The following CELSR1 variants were observed in gnomAD, a reference collection of about 807,000 sequenced individuals.
CELSR1 encodes the protein adhesion G protein-coupled receptor C1.
A neutral mutation model predicts 249.1 loss-of-function variants in CELSR1; 110 were observed. The observed-to-expected ratio is 0.44, with a 90% CI of 0.38 to 0.52. CELSR1 has a LOEUF of 0.52. Ranked by LOEUF, CELSR1 falls within the 20% of genes least tolerant of loss-of-function variation. The pLI is 0.00. For missense variants in CELSR1, 4,109 were observed against 4,296.4 expected, an observed-to-expected ratio of 0.96 and a Z score of 1.22; for synonymous variants, 2,113 against 1,900.0, an observed-to-expected ratio of 1.11 and a Z score of -2.92.
rs762757481 is a variant in CELSR1, at chr22:46,384,607, G to A, written c.6819C>T (p.Phe2273=). 7 of 1,613,666 alleles carry A rather than the reference G, an allele frequency of 4.3e-6. No homozygotes were observed. In the East Asian group the frequency reaches 1.6e-4, roughly 36 times the overall value. ...AGACGGAGGACTCCAGCTCCCTGGG[G>A]AACTCTTCATGGATGGTGTCGAATC... The part of the protein sequence containing the change: ...VPRFDTIHEE[F]PRELESSVSF... Residue 2273 remains phenylalanine, a synonymous_variant, in exon 20 of 35, where the codon TTC becomes TTT. Coordinates refer to ENST00000674500, the MANE Select transcript of CELSR1 (RefSeq NM_001378328.1).
chr22:46,482,933 AAACAGGTCCACACGCACACAC>A (rs890700722), intron 1 of CELSR1, among the ~76,000 whole-genome samples: 2 of 152,176 alleles, frequency 1.3e-5, no homozygotes, highest in Non-Finnish European at 2.9e-5. Flanking sequence ...TGGAGCCCAG[AAACAGGTCCACACGCACACAC>A]AACAGAGCTG....
intron 1 of CELSR1, among the ~76,000 whole-genome samples, chr22:46,480,317 G>A (rs1192336273): frequency 6.6e-6 from 1 of 152,152 alleles, no homozygotes; most frequent in African/African-American, 2.4e-5. Flanking sequence ...AGAGGTCCAT[G>A]TCTCAAGATG....
chr22:46,483,322 G>T (rs1373158819), intron 1 of CELSR1, among the ~76,000 whole-genome samples: 4 of 151,634 alleles, frequency 2.6e-5, no homozygotes, highest in Admixed American at 6.6e-5. Flanking sequence ...CGCCTCACTG[G>T]GTGTCTAGGG....
chr22:46,510,037 G>A (rs2080557493), intron 1 of CELSR1, among the ~76,000 whole-genome samples: 3 of 152,222 alleles, frequency 2.0e-5, no homozygotes, highest in Admixed American at 2.0e-4. Flanking sequence ...CCCTTTCCAG[G>A]GCAGGAGGCA....
In CELSR1 at chr22:46,460,405, G is replaced by A. The variant is rs529947394; in HGVS notation, c.4183+3302C>T. On this transcript the variant is annotated intron_variant, in intron 2 of 34. Coordinates refer to ENST00000674500, the MANE Select transcript of CELSR1 (RefSeq NM_001378328.1). ...TTCTCAGAGCAGGTGTACAGCTGCG[G>A]AAGCAGATTTTGAGGGAGGCCCATG... Among the ~76,000 whole-genome samples, 4 of 152,330 alleles carry A rather than the reference G, an allele frequency of 2.6e-5. No individual in the cohort carries two copies. The South Asian group carries it at 6.2e-4, about 24-fold the overall frequency.
At position 46,505,218 on chromosome 22, in the gene CELSR1, C is replaced by A. The variant is rs1265441791; in HGVS notation, c.3544+28409G>T. 2.9e-5 allele frequency among the ~76,000 whole-genome samples: 4 copies of A among 138,360 alleles called. No individual in the cohort carries two copies. In the South Asian group the frequency reaches 9.1e-4, roughly 31 times the overall value. 90.8% of individuals were successfully genotyped at this position (138,360 alleles called of 152,430 possible). ...CAGAGCTTGCAATGAGCCGAGATGG[C>A]GCCACTGCACTCCAGCCTGGGCGAC... On this transcript the variant is annotated intron_variant, in intron 1 of 34. Coordinates refer to ENST00000674500, the MANE Select transcript of CELSR1 (RefSeq NM_001378328.1).
In CELSR1 at chr22:46,396,023, G is replaced by A. The variant is rs181623598; in HGVS notation, c.5843+582C>T. On this transcript the variant is annotated intron_variant, in intron 13 of 34. Transcript: ENST00000674500. This position sits in a 1 kb window ranked among gnomAD's most constrained non-coding sequence, Gnocchi z 6.4. Reference sequence around the variant, plus strand: ...TCCCTGCATCTCATGGGGCCTGTTTGCTCTGGGCCCAGTGAGGACTCCAGG... The same window carrying A: ...TCCCTGCATCTCATGGGGCCTGTTTACTCTGGGCCCAGTGAGGACTCCAGG... Among the ~76,000 whole-genome samples the A allele has an allele frequency of 6.3e-4, 96 of 152,310 alleles. 3 individuals carry two copies. The East Asian group carries it at 0.014, about 22-fold the overall frequency.
chr22:46,508,747 AC>A (rs1359530248), intron 1 of CELSR1, among the ~76,000 whole-genome samples: 1 of 152,138 alleles, frequency 6.6e-6, no homozygotes, highest in African/African-American at 2.4e-5. Flanking sequence ...AATATGTTAA[AC>A]AGTTTATAAA....
rs954398873 is a variant in CELSR1, at chr22:46,401,157, G to A, written c.5227-1255C>T. On this transcript the variant is annotated intron_variant, in intron 9 of 34. Transcript: ENST00000674500. The surrounding 1 kb of genome is among the most constrained non-coding windows in gnomAD (Gnocchi z 4.7). ...AACTACTGGGCTCCTATTTTTGGATGTAAACATTATACTTTATAAGACAAG... is the reference window on the plus strand; with the variant it reads ...AACTACTGGGCTCCTATTTTTGGATATAAACATTATACTTTATAAGACAAG... Among the ~76,000 whole-genome samples, 1 of 152,072 alleles carries A rather than the reference G, an allele frequency of 6.6e-6. No individual in the cohort carries two copies. The highest frequency in any genetic ancestry group is 2.1e-4 in the South Asian group (1 of 4,826).
Position 46,391,557 on chromosome 22 carries a change from A to G in CELSR1, c.6148+76T>C, listed in dbSNP as rs1395667706. ...AGGGTCCCCCAAACACCCAGCGTGC[A>G]TGCACACACGTGCACGCCAGTGCAG... On this transcript the variant is annotated intron_variant, in intron 15 of 34. Coordinates refer to ENST00000674500, the MANE Select transcript of CELSR1 (RefSeq NM_001378328.1). The surrounding 1 kb of genome is among the most constrained non-coding windows in gnomAD (Gnocchi z 4.3). 4.2e-6 allele frequency: 6 copies of G among 1,423,660 alleles called. No homozygotes were observed. In the East Asian group the frequency reaches 1.2e-4, roughly 28 times the overall value. The allele number at this position is 1,423,660 out of a possible 1,614,324, so 88.2% of individuals were successfully genotyped here.
chr22:46,384,187 C>T (rs1268945686), intron 20 of CELSR1, among the ~76,000 whole-genome samples: 7 of 152,212 alleles, frequency 4.6e-5, no homozygotes, highest in Non-Finnish European at 8.8e-5. Flanking sequence ...CTGCCCGCCT[C>T]GGCCTCCCAA....
rs1255175631 is a variant in CELSR1, at chr22:46,488,221, T to C, written c.3545-23876A>G. ...CAGGGCTGGCATCCATCCTATTGTC[T>C]CACTGAAACTCATGACAGTGGGAGG... On this transcript the variant is annotated intron_variant, in intron 1 of 34. Transcript: ENST00000674500. The surrounding 1 kb of genome is among the most constrained non-coding windows in gnomAD (Gnocchi z 4.7). Among the ~76,000 whole-genome samples, 1 of 151,928 alleles carries C rather than the reference T, an allele frequency of 6.6e-6. No individual in the cohort carries two copies. The highest frequency in any genetic ancestry group is 1.5e-5 in the Non-Finnish European group (1 of 67,924).
At chr22:46,528,835 A>T (rs1256588087) in intron 1 of CELSR1, among the ~76,000 whole-genome samples, 1 of 151,864 alleles carries the variant, frequency 6.6e-6, no homozygotes, top group East Asian at 1.9e-4. Flanking sequence ...AGGCTGAGGC[A>T]GGAGAACGGC....
chr22:46,431,031 C>T (rs1393543906), intron 5 of CELSR1, among the ~76,000 whole-genome samples: 7 of 152,340 alleles, frequency 4.6e-5, no homozygotes, highest in East Asian at 1.9e-4. Context: ...AAGTATCTGG[C>T]GCTCGCAGGA....
Position 46,432,401 on chromosome 22 carries a change from C to T in CELSR1, c.4611+992G>A, listed in dbSNP as rs191880242. Among the ~76,000 whole-genome samples, 17 of 152,292 alleles carry T rather than the reference C, an allele frequency of 1.1e-4. No individual in the cohort carries two copies. In the East Asian group the frequency reaches 2.3e-3, roughly 21 times the overall value. ...TTCTCCTGGAGGACAGAGGAGCCCT[C>T]GTCTGCCAACCAAGCTTAGGCCCCA... On this transcript the variant is annotated intron_variant, in intron 5 of 34. Coordinates refer to ENST00000674500, the MANE Select transcript of CELSR1 (RefSeq NM_001378328.1).
intron 1 of CELSR1, among the ~76,000 whole-genome samples, chr22:46,469,980 G>C: frequency 6.7e-6 from 1 of 149,252 alleles, no homozygotes; most frequent in Non-Finnish European, 1.5e-5. Flanking sequence ...AGGGAGGGAG[G>C]AGGAGGGGAG....
chr22:46,369,562 G>T, intron 26 of CELSR1, 130 bp downstream of exon 26: 1 of 783,888 alleles, frequency 1.3e-6, no homozygotes, highest in Non-Finnish European at 2.1e-6. Context: ...TTTGCTGACT[G>T]TTACAAGGTG....
Position 46,382,298 on chromosome 22 carries a change from G to A in CELSR1, c.6884-248C>T, listed in dbSNP as rs915138721. Among the ~76,000 whole-genome samples the A allele has an allele frequency of 6.6e-5, 10 of 152,208 alleles. 1 individual carries two copies. The highest frequency in any genetic ancestry group is 5.8e-4 in the East Asian group (3 of 5,160). ...TTTTATTTATTTATTTATTTTTTGAGACAGAGTCTTGCTCTGTCGCCCAGG... is the reference window on the plus strand; with the variant it reads ...TTTTATTTATTTATTTATTTTTTGAAACAGAGTCTTGCTCTGTCGCCCAGG... On this transcript the variant is annotated intron_variant, in intron 20 of 34. Coordinates refer to ENST00000674500, the MANE Select transcript of CELSR1 (RefSeq NM_001378328.1).
At position 46,362,961 on chromosome 22, in the gene CELSR1, GC is replaced by G; in HGVS notation, c.*261del. The G allele has an allele frequency of 1.6e-6, 1 of 619,426 alleles. No homozygotes were observed. Among genetic ancestry groups the G allele is most frequent in the East Asian group, 2.8e-5 (1 of 35,794 alleles). The allele number at this position is 619,426 out of a possible 1,614,324, so 38.4% of individuals were successfully genotyped here. On this transcript the variant is annotated 3_prime_UTR_variant, in exon 35 of 35. Transcript: ENST00000674500. ...CAGCGGTGCTGGCCCAGTGGTCCAC[GC>G]CTCCCTCATGCCTGTGGCCTTTGGC...
Sources: gnomAD v4.1 joint callset for allele counts (sites outside exome capture counted in the v4.1 genomes callset) on GRCh38, gnomAD v4.1.1 for gene constraint, Gnocchi (gnomAD v3.1) non-coding constraint, MANE v1.5 for transcripts, NCBI Gene and HGNC (gene_info 2026-07-23, HGNC 2026-07-21) for gene names.